Variants in CIP2A observed in about 807,000 individuals in gnomAD.
The protein encoded by CIP2A is cellular inhibitor of PP2A, also known as protein CIP2A.
CIP2A carries 103 observed loss-of-function variants against 110.9 expected under a neutral mutation model. The observed-to-expected ratio is 0.93, with a 90% CI of 0.79 to 1.09. The LOEUF (loss-of-function observed/expected upper bound fraction) is 1.09, where lower values mean the gene tolerates loss of function less well. Among genes scored for constraint, CIP2A ranks in the 50% least tolerant of loss-of-function variants. CIP2A has a pLI of 0.00. For missense variants in CIP2A, 1,088 were observed against 1,038.4 expected (o/e 1.05, Z -0.66); for synonymous variants, 381 against 361.6 (o/e 1.05, Z -0.61).
chr3:108,577,670 G>A (rs1005367435), intron 7 of CIP2A, among the ~76,000 whole-genome samples: 1 of 152,108 alleles, frequency 6.6e-6, no homozygotes, highest in East Asian at 1.9e-4. Flanking sequence ...AGGCTGAAGC[G>A]GGTGGATCGC....
chr3:108,558,070 G>A (rs1250706003), intron 16 of CIP2A, among the ~76,000 whole-genome samples: 1 of 151,998 alleles, frequency 6.6e-6, no homozygotes, highest in Non-Finnish European at 1.5e-5. Flanking sequence ...AACTTTTCCA[G>A]TAACATGAAT....
At chr3:108,576,845 T>C (rs926938704) in intron 7 of CIP2A, among the ~76,000 whole-genome samples, 35 of 152,172 alleles carry the variant, frequency 2.3e-4, no homozygotes, top group Admixed American at 9.2e-4. Flanking sequence ...AGCATTATAT[T>C]CTATGTGACT....
At chr3:108,576,230 A>C in intron 8 of CIP2A, 41 bp downstream of exon 8, 1 of 1,262,564 alleles carries the variant, frequency 7.9e-7, no homozygotes, top group South Asian at 1.4e-5. Flanking sequence ...GGCATTTTGC[A>C]GTTTTTAAAA....
At chr3:108,553,130 T>G (rs1316384436) in intron 19 of CIP2A, among the ~76,000 whole-genome samples, 12 of 133,312 alleles carry the variant, frequency 9.0e-5, no homozygotes, top group Non-Finnish European at 1.6e-4. Flanking sequence ...TGTTTTTTTT[T>G]TTTTTTTTTT....
At position 108,582,213 on chromosome 3, in the gene CIP2A, G is replaced by A. The variant is rs745395597; in HGVS notation, c.358-11C>T. ...TAGAAGTTGAATGCACTGAGAATAA[G>A]AAAATAGTTATAAATATAAAGATAT... On this transcript the variant is annotated splice_polypyrimidine_tract_variant and intron_variant, in intron 3 of 20. Transcript: ENST00000295746. The A allele has an allele frequency of 2.7e-6, 3 of 1,119,488 alleles. No homozygotes were observed. Among genetic ancestry groups the A allele is most frequent in the Non-Finnish European group, 3.9e-6 (3 of 765,426 alleles). The allele number at this position is 1,119,488 out of a possible 1,614,324, so 69.3% of individuals were successfully genotyped here. A position where few individuals can be genotyped will look rare whatever the true frequency, so the allele number is the denominator to read the frequency against.
At chr3:108,552,192 T>G in intron 20 of CIP2A, 42 bp downstream of exon 20, 1 of 1,507,324 alleles carries the variant, frequency 6.6e-7, no homozygotes, top group Non-Finnish European at 8.9e-7. Flanking sequence ...CACAACAGAC[T>G]TTTTTATTTT....
Position 108,554,416 on chromosome 3 carries a change from C to T in CIP2A, c.2284G>A (p.Val762Met). ...TTGAGTGACTCATTCAACTTTTTCA[C>T]TGTCTCAATTTGTTTATTCAGAGAA... ...CDSLNKQIETVKKLNESLKEQ... is the reference protein window; with the variant it reads ...CDSLNKQIETMKKLNESLKEQ... The change falls in exon 18 of 21, where the codon GTG becomes ATG. Residue 762 changes from valine to methionine, a missense_variant. Coordinates refer to ENST00000295746, the MANE Select transcript of CIP2A (RefSeq NM_020890.3). The T allele has an allele frequency of 6.4e-7, 1 of 1,559,046 alleles. No individual in the cohort carries two copies. Among genetic ancestry groups the T allele is most frequent in the Non-Finnish European group, 8.8e-7 (1 of 1,135,086 alleles).
intron 19 of CIP2A, 75 bp from the exon 20 acceptor site, chr3:108,552,448 T>G: frequency 2.4e-6 from 2 of 832,554 alleles, no homozygotes; most frequent in Admixed American, 3.1e-5. Flanking sequence ...TAGTAGCTAC[T>G]GTAAGAGCAA....
intron 9 of CIP2A, 70 bp from the exon 10 acceptor site, chr3:108,568,384 G>A (rs1938260141): frequency 1.6e-6 from 2 of 1,259,926 alleles, no homozygotes; most frequent in Non-Finnish European, 1.1e-6. Context: ...AGTCATCACT[G>A]AATTGTAACA....
chr3:108,563,244 C>G lies in CIP2A; in HGVS notation c.1516G>C (p.Asp506His), dbSNP rs964726687. 1 of 1,586,522 alleles carries G rather than the reference C, an allele frequency of 6.3e-7. No individual in the cohort carries two copies. The change falls in exon 13 of 21, where the codon GAC (aspartate) becomes CAC (histidine). Residue 506 changes from aspartate (D) to histidine (H), a missense_variant and splice_region_variant. Asp to His is a moderately conservative substitution (Grantham distance 81, BLOSUM62 -1). Transcript: ENST00000295746. ...MEVSFYKILQ[D>H]PRLITPLAFA... The stretch of plus-strand genomic sequence containing the variant: ...GCCAAAGGAGTAATCAAACGTGGGT[C>G]CTAAATAAATCAGAAACCAAAAAAG...
intron 16 of CIP2A, 62 bp from the exon 17 acceptor site, chr3:108,557,476 C>T: frequency 1.6e-6 from 2 of 1,247,364 alleles, no homozygotes; most frequent in South Asian, 3.8e-5. Context: ...TCAACACATA[C>T]CTACAATTTA....
At chr3:108,576,488 T>C in intron 7 of CIP2A, 142 bp from the exon 8 acceptor site, 1 of 448,858 alleles carries the variant, frequency 2.2e-6, no homozygotes. Flanking sequence ...AACACACTCC[T>C]GTAAAGTTTA....
At chr3:108,580,953 GT>G (rs1431313429) in intron 5 of CIP2A, among the ~76,000 whole-genome samples, 4 of 152,164 alleles carry the variant, frequency 2.6e-5, no homozygotes, top group Non-Finnish European at 4.4e-5. Flanking sequence ...AAGTGATTCA[GT>G]TAAATTCATT....
chr3:108,580,636 T>G (rs1181961356), intron 5 of CIP2A, among the ~76,000 whole-genome samples: 1 of 133,758 alleles, frequency 7.5e-6, no homozygotes, highest in East Asian at 2.0e-4. Flanking sequence ...ATATACTTTG[T>G]TTTTTTTTTT....
intron 12 of CIP2A, among the ~76,000 whole-genome samples, chr3:108,564,154 G>A (rs1938100782): frequency 6.6e-6 from 1 of 152,014 alleles, no homozygotes; most frequent in Admixed American, 6.6e-5. Flanking sequence ...GATAAGAGCA[G>A]AGCTTTATCT....
At chr3:108,583,316 G>C (rs1938945406) in intron 2 of CIP2A, among the ~76,000 whole-genome samples, 2 of 151,804 alleles carry the variant, frequency 1.3e-5, no homozygotes, top group Non-Finnish European at 2.9e-5. Context: ...CTTTTTCTTT[G>C]ATACTAATTA....
rs1450448975 is a variant in CIP2A at position 108,550,011 on chromosome 3, A to G, written c.*1138T>C. 1 of 151,646 alleles carries G rather than the reference A, an allele frequency of 6.6e-6. No individual in the cohort carries two copies. Among genetic ancestry groups the G allele is most frequent in the Non-Finnish European group, 1.5e-5 (1 of 67,566 alleles). The allele number at this position is 151,646 out of a possible 1,614,324, so 9.4% of individuals were successfully genotyped here. On this transcript the variant is annotated 3_prime_UTR_variant, in exon 21 of 21. Transcript: ENST00000295746. ...AGTAATTTAAAATGTTTTACTCTGCATAATATTTTTTAAAAAATTTCCAGA... is the reference window on the plus strand; with the variant it reads ...AGTAATTTAAAATGTTTTACTCTGCGTAATATTTTTTAAAAAATTTCCAGA...
chr3:108,582,263 T>C (rs1299050453), intron 3 of CIP2A, 61 bp from the exon 4 acceptor site: 4 of 701,088 alleles, frequency 5.7e-6, no homozygotes, highest in Non-Finnish European at 7.1e-6. Flanking sequence ...CTTAAAATAA[T>C]GGACTCTCAG....
intron 1 of CIP2A, among the ~76,000 whole-genome samples, chr3:108,588,085 CA>C (rs1939136078): frequency 2.6e-5 from 4 of 152,202 alleles, no homozygotes; most frequent in Non-Finnish European, 5.9e-5. Flanking sequence ...AAATCTCTTT[CA>C]GTGCACAACC....
Sources: gnomAD v4.1 joint callset for allele counts (sites outside exome capture counted in the v4.1 genomes callset) on GRCh38, gnomAD v4.1.1 for gene constraint, MANE v1.5 for transcripts, NCBI Gene and HGNC (gene_info 2026-07-23, HGNC 2026-07-21) for gene names.